The following SGSM2 variants were observed in gnomAD, a reference collection of about 807,000 sequenced individuals.
SGSM2 encodes the protein RUN and TBC1 domain containing 1.
SGSM2 carries 89 observed loss-of-function variants against 126.6 expected under a neutral mutation model. That is an observed-to-expected ratio of 0.70 (90% CI 0.59 to 0.84). The LOEUF (loss-of-function observed/expected upper bound fraction) is 0.84. Ranked by LOEUF, SGSM2 falls within the 40% of genes least tolerant of loss-of-function variation. The probability of loss-of-function intolerance (pLI) is 0.00; values close to 1 mark genes in which losing one functional copy is unlikely to be tolerated. For synonymous variants in SGSM2, 614 were observed against 574.3 expected (o/e 1.07, Z -0.99); for missense variants, 1,404 against 1,416.6 (o/e 0.99, Z 0.14).
chr17:2,344,541 G>A (rs954373711), intron 2 of SGSM2, among the ~76,000 whole-genome samples: 1 of 152,146 alleles, frequency 6.6e-6, no homozygotes, highest in Non-Finnish European at 1.5e-5. Flanking sequence ...CCCCACCAAG[G>A]GCTCACCAGG....
rs1198228714 is a variant in SGSM2 at position 2,362,743 on chromosome 17, A to G, written c.459-95A>G. 4.0e-6 allele frequency: 5 copies of G among 1,235,354 alleles called. No individual in the cohort carries two copies. Among genetic ancestry groups the G allele is most frequent in the African/African-American group, 3.0e-5 (2 of 67,646 alleles). The allele number at this position is 1,235,354 out of a possible 1,614,324, so 76.5% of individuals were successfully genotyped here. ...CACTGTTTCTTGATGACTGATCTGA[A>G]TCTGGTCTTTGTGGGGATGTCCCTA... On this transcript the variant is annotated intron_variant, in intron 4 of 23. Coordinates refer to ENST00000268989, the MANE Select transcript of SGSM2 (RefSeq NM_014853.3). This position sits in a 1 kb window ranked among gnomAD's most constrained non-coding sequence, Gnocchi z 4.9.
At chr17:2,375,375 T>C in intron 17 of SGSM2, 117 bp from the exon 18 acceptor site, 1 of 1,315,226 alleles carries the variant, frequency 7.6e-7, no homozygotes, top group Non-Finnish European at 1.0e-6. Flanking sequence ...TTGGAGGCTG[T>C]GGTGGGAGAG....
chr17:2,359,550 C>T (rs771445495), intron 2 of SGSM2, among the ~76,000 whole-genome samples: 3 of 152,110 alleles, frequency 2.0e-5, no homozygotes, highest in Non-Finnish European at 2.9e-5. Flanking sequence ...GAGCGTGATG[C>T]CTGGCTTCTC....
Position 2,375,847 on chromosome 17 carries a change from T to C in SGSM2, c.2456T>C (p.Leu819Pro). ...GGAGAACTGGAGGCCGGAGAGGAGC[T>C]TGCGGCTGTGTGTGCGGCTGCCTAC... is the stretch of plus-strand genomic sequence containing the variant. ...QAGELEAGEE[L>P]AAVCAAAYTI... Residue 819 changes from leucine (L) to proline (P), a missense_variant, in exon 18 of 24, where the codon CTT becomes CCT. By Grantham distance (98) the Leu-to-Pro change is moderately conservative. Coordinates refer to ENST00000268989, the MANE Select transcript of SGSM2 (RefSeq NM_014853.3). 1 of 1,530,880 alleles carries C rather than the reference T, an allele frequency of 6.5e-7. No individual in the cohort carries two copies. Among genetic ancestry groups the C allele is most frequent in the Non-Finnish European group, 8.7e-7 (1 of 1,144,058 alleles). The allele number at this position is 1,530,880 out of a possible 1,614,324, so 94.8% of individuals were successfully genotyped here. A position where few individuals can be genotyped will look rare whatever the true frequency, so the allele number is the denominator to read the frequency against.
intron 1 of SGSM2, among the ~76,000 whole-genome samples, chr17:2,342,861 C>T (rs1251565908): frequency 1.3e-5 from 2 of 152,010 alleles, no homozygotes; most frequent in Non-Finnish European, 2.9e-5. Flanking sequence ...CCTGTTGTCC[C>T]AGCTACTCGG....
intron 2 of SGSM2, among the ~76,000 whole-genome samples, chr17:2,359,637 G>C (rs748700227): frequency 1.3e-5 from 2 of 152,212 alleles, no homozygotes; most frequent in East Asian, 1.9e-4. Context: ...GTGCTCAGAG[G>C]CTGGCCGGGA....
intron 22 of SGSM2, 48 bp from the exon 23 acceptor site, chr17:2,378,988 C>T: frequency 2.5e-6 from 4 of 1,578,740 alleles, no homozygotes; most frequent in Non-Finnish European, 3.4e-6. Context: ...GCCTCAGCCC[C>T]AGATATGCGG....
intron 22 of SGSM2, among the ~76,000 whole-genome samples, chr17:2,378,573 CAA>C (rs1484692853): frequency 6.6e-6 from 1 of 151,160 alleles, no homozygotes; most frequent in Non-Finnish European, 1.5e-5. Context: ...GAAAAGAAAA[CAA>C]AATTTCCATA....
At chr17:2,375,296 C>A in intron 17 of SGSM2, 196 bp from the exon 18 acceptor site, 2 of 610,778 alleles carry the variant, frequency 3.3e-6, no homozygotes, top group Admixed American at 6.6e-5. Flanking sequence ...TCATGTTTGG[C>A]CAGAGGCTTG....
chr17:2,379,912 C>T lies in SGSM2; in HGVS notation c.*392C>T. The T allele has an allele frequency of 7.7e-7, 1 of 1,297,560 alleles. No homozygotes were observed. Among genetic ancestry groups the T allele is most frequent in the Non-Finnish European group, 9.8e-7 (1 of 1,018,084 alleles). 80.4% of individuals were successfully genotyped at this position (1,297,560 alleles called of 1,614,324 possible). On this transcript the variant is annotated 3_prime_UTR_variant, in exon 24 of 24. Transcript: ENST00000268989. ...CCTGGGCCCTACTCAGCTGGGGTGG[C>T]AGAGGGCGAGAGGCTCTGTGCTGTG...
At chr17:2,376,551 C>T (rs2066163969) in intron 19 of SGSM2, 182 bp from the exon 20 acceptor site, 1 of 738,240 alleles carries the variant, frequency 1.4e-6, no homozygotes, top group Non-Finnish European at 2.3e-6. Context: ...AGTCGGAGTG[C>T]CTTGGGGGGG....
intron 1 of SGSM2, among the ~76,000 whole-genome samples, chr17:2,340,666 G>C (rs921544447): frequency 3.3e-5 from 5 of 151,224 alleles, no homozygotes; most frequent in South Asian, 4.2e-4. Flanking sequence ...CTCACTGCAA[G>C]CTCCGCCTCC....
In SGSM2 at chr17:2,379,450, A is replaced by G; in HGVS notation, c.3086A>G (p.Asp1029Gly). ...CCCCCAGAACGTGCTGAGCATCACG[A>G]TGCCCAGGAGATCCTGCGGATTGCC... The part of the protein sequence containing the change: ...KFFNERAEHH[D>G]AQEILRIARD... Residue 1029 changes from aspartate to glycine, a missense_variant, in exon 24 of 24, where the codon GAT (aspartate) becomes GGT (glycine). Physicochemically the swap from Asp to Gly is moderately conservative, Grantham distance 94. Transcript: ENST00000268989. 1 of 1,613,366 alleles carries G rather than the reference A, an allele frequency of 6.2e-7. No homozygotes were observed. Among genetic ancestry groups the G allele is most frequent in the Non-Finnish European group, 8.5e-7 (1 of 1,179,526 alleles).
In SGSM2 at chr17:2,361,684, G is replaced by C; in HGVS notation, c.181G>C (p.Gly61Arg). 6.2e-7 allele frequency: 1 copy of C among 1,614,008 alleles called. No individual in the cohort carries two copies. ...LLHQLRRRAA[G>R]FLRSDKMAAL... The stretch of plus-strand genomic sequence containing the variant: ...GCATCAGCTGAGACGCCGTGCCGCT[G>C]GCTTCCTGCGCAGTGACAAGATGGC... Residue 61 changes from glycine (G) to arginine (R), a missense_variant, in exon 3 of 24, where the codon GGC becomes CGC. Physicochemically the swap from Gly to Arg is moderately radical, Grantham distance 125. Transcript: ENST00000268989.
At chr17:2,344,488 G>T (rs1181309416) in intron 2 of SGSM2, among the ~76,000 whole-genome samples, 1 of 152,156 alleles carries the variant, frequency 6.6e-6, no homozygotes, top group Non-Finnish European at 1.5e-5. Context: ...CGGTAGTGTG[G>T]CACAGCAGAT....
Position 2,362,770 on chromosome 17 carries a change from C to G in SGSM2, c.459-68C>G. On this transcript the variant is annotated intron_variant, in intron 4 of 23. Coordinates refer to ENST00000268989, the MANE Select transcript of SGSM2 (RefSeq NM_014853.3). The surrounding 1 kb of genome is among the most constrained non-coding windows in gnomAD (Gnocchi z 4.9). Reference sequence around the variant, plus strand: ...CTGGTCTTTGTGGGGATGTCCCTACCTGGTGAGCTTGACTGCCCTGGAATG... The same window carrying G: ...CTGGTCTTTGTGGGGATGTCCCTACGTGGTGAGCTTGACTGCCCTGGAATG... 1.3e-6 allele frequency: 2 copies of G among 1,512,308 alleles called. No homozygotes were observed. The highest frequency in any genetic ancestry group is 1.8e-6 in the Non-Finnish European group (2 of 1,091,292). 93.7% of individuals were successfully genotyped at this position (1,512,308 alleles called of 1,614,324 possible).
chr17:2,349,340 A>G (rs1187426532), intron 2 of SGSM2, among the ~76,000 whole-genome samples: 2 of 151,482 alleles, frequency 1.3e-5, no homozygotes, highest in Non-Finnish European at 2.9e-5. Flanking sequence ...GTGCTGCTGC[A>G]CTCCAGCCTG....
chr17:2,374,700 A>T (rs1467664482), intron 17 of SGSM2: 1 of 152,220 alleles, frequency 6.6e-6, no homozygotes, highest in Non-Finnish European at 1.5e-5. Flanking sequence ...GGTTTTGTAA[A>T]AATCTGTCTG....
chr17:2,347,403 G>A (rs370516400), intron 2 of SGSM2, among the ~76,000 whole-genome samples: 3 of 150,208 alleles, frequency 2.0e-5, no homozygotes, highest in South Asian at 2.1e-4. Flanking sequence ...CATCACACCC[G>A]GCCTCATTTT....
Sources: allele counts gnomAD v4.1 joint callset (sites outside exome capture counted in the v4.1 genomes callset), GRCh38; gene constraint gnomAD v4.1.1; non-coding constraint Gnocchi (gnomAD v3.1); transcripts MANE v1.5; gene names NCBI Gene and HGNC (gene_info 2026-07-23, HGNC 2026-07-21).